The following KHDRBS2 variants were observed in gnomAD, a reference collection of about 807,000 sequenced individuals.
KHDRBS2 encodes KH domain-containing, RNA-binding, signal transduction-associated protein 2.
KHDRBS2 carries 26 observed loss-of-function variants against 44.3 expected under a neutral mutation model. The ratio of observed to expected loss-of-function variants is 0.59; its 90% CI spans 0.43 to 0.81. The LOEUF (loss-of-function observed/expected upper bound fraction) is 0.81. Ranked by LOEUF, KHDRBS2 falls within the 40% of genes least tolerant of loss-of-function variation. The pLI is 0.00. For synonymous variants in KHDRBS2, 194 were observed against 151.1 expected (o/e 1.28, Z -2.08); for missense variants, 476 against 433.1 (o/e 1.10, Z -0.88).
intron 1 of KHDRBS2, among the ~76,000 whole-genome samples, chr6:62,202,540 G>A (rs992343836): frequency 4.6e-5 from 7 of 151,898 alleles, no homozygotes; most frequent in African/African-American, 1.5e-4. Context: ...CTAGCTGACT[G>A]GGACACATCA....
At chr6:62,196,053 C>G (rs981964434) in intron 1 of KHDRBS2, among the ~76,000 whole-genome samples, 1 of 152,054 alleles carries the variant, frequency 6.6e-6, no homozygotes, top group African/African-American at 2.4e-5. Context: ...GTGAGTGGAG[C>G]CAATGACCTC....
At position 62,018,299 on chromosome 6, in the gene KHDRBS2, ATGTGTGTG is replaced by A. The variant is rs57360690; in HGVS notation, c.336+29571_336+29578del. 3.1e-3 allele frequency among the ~76,000 whole-genome samples: 459 copies of A among 146,224 alleles called. 4 individuals are homozygous for A. Among genetic ancestry groups the A allele is most frequent in the African/African-American group, 8.9e-3 (350 of 39,468 alleles). On this transcript the variant is annotated intron_variant, in intron 3 of 8. Transcript: ENST00000281156. ...GTATATTCACACACTATATATATAT[ATGTGTGTG>A]TGTGTGTGTGTGTGTGTGTGTGTGT... is the stretch of plus-strand genomic sequence containing the variant.
rs141518928 is a variant in KHDRBS2, at chr6:62,036,572, C to A, written c.336+11306G>T. Among the ~76,000 whole-genome samples the A allele has an allele frequency of 1.1e-4, 16 of 151,996 alleles. 1 individual carries two copies. The highest frequency in any genetic ancestry group is 5.9e-4 in the Admixed American group (9 of 15,216). On this transcript the variant is annotated intron_variant, in intron 3 of 8. Transcript: ENST00000281156. ...TATAAGAAAAAAAAGTAATTTGGAT[C>A]CATTTTCTATTTATTTAACTTAGGT...
At chr6:61,777,177 C>T (rs1008495057) in intron 6 of KHDRBS2, among the ~76,000 whole-genome samples, 23 of 151,946 alleles carry the variant, frequency 1.5e-4, no homozygotes, top group African/African-American at 4.4e-4. Context: ...TTAGGAGATA[C>T]ACCTAATGCT....
At chr6:62,246,771 C>T (rs761726909) in intron 1 of KHDRBS2, among the ~76,000 whole-genome samples, 2 of 151,840 alleles carry the variant, frequency 1.3e-5, no homozygotes, top group Non-Finnish European at 2.9e-5. Flanking sequence ...AGATATTACT[C>T]AGCTGTGAGT....
chr6:61,674,859 C>A, the KHDRBS2 span, among the ~76,000 whole-genome samples: 3 of 151,446 alleles, frequency 2.0e-5, no homozygotes, highest in South Asian at 2.1e-4. Flanking sequence ...ATTACATGAA[C>A]GAAAATATAG....
chr6:61,848,066 G>A (rs1009699516), intron 6 of KHDRBS2, among the ~76,000 whole-genome samples: 1 of 151,790 alleles, frequency 6.6e-6, no homozygotes, highest in Non-Finnish European at 1.5e-5. Flanking sequence ...CTGGCCAATC[G>A]TCTGTGACCA....
At chr6:62,076,170 GT>G (rs903163151) in intron 2 of KHDRBS2, among the ~76,000 whole-genome samples, 7 of 151,778 alleles carry the variant, frequency 4.6e-5, no homozygotes, top group African/African-American at 1.7e-4. Flanking sequence ...GGATTAAAGA[GT>G]TTTTTCATAG....
chr6:61,955,663 T>C (rs1356205307), intron 4 of KHDRBS2, among the ~76,000 whole-genome samples: 1 of 149,260 alleles, frequency 6.7e-6, no homozygotes, highest in Non-Finnish European at 1.5e-5. Context: ...TGCATATATG[T>C]GTATATGTAC....
chr6:61,612,775 C>T, the KHDRBS2 span, among the ~76,000 whole-genome samples: 2,286 of 150,500 alleles, frequency 0.015, 59 homozygotes, highest in African/African-American at 0.054. Context: ...CTAAATATTA[C>T]AGCTGCACAC....
At chr6:62,067,947 C>A (rs1584486825) in intron 2 of KHDRBS2, among the ~76,000 whole-genome samples, 2 of 151,552 alleles carry the variant, frequency 1.3e-5, no homozygotes, top group Non-Finnish European at 3.0e-5. Flanking sequence ...GTCTATTTAA[C>A]AGCGGACACT....
chr6:61,587,511 A>G, the KHDRBS2 span, among the ~76,000 whole-genome samples: 1 of 152,140 alleles, frequency 6.6e-6, no homozygotes, highest in African/African-American at 2.4e-5. Context: ...GTATTTCAAT[A>G]GAAAACCTAC....
chr6:61,636,071 C>T, the KHDRBS2 span, among the ~76,000 whole-genome samples: 1 of 151,960 alleles, frequency 6.6e-6, no homozygotes, highest in South Asian at 2.1e-4. Flanking sequence ...CACAATATTC[C>T]GTAGTTTCTT....
chr6:61,778,931 C>T (rs1053034153), intron 6 of KHDRBS2, among the ~76,000 whole-genome samples: 1 of 152,188 alleles, frequency 6.6e-6, no homozygotes, highest in Non-Finnish European at 1.5e-5. Context: ...ATTTACTACT[C>T]ATTGCCTGCC....
At chr6:61,614,258 A>G in the KHDRBS2 span, among the ~76,000 whole-genome samples, 1 of 152,098 alleles carries the variant, frequency 6.6e-6, no homozygotes, top group Non-Finnish European at 1.5e-5. Flanking sequence ...TATGGTTATG[A>G]TGGGTGGGAA....
At chr6:62,053,876 T>C (rs1236412194) in intron 2 of KHDRBS2, among the ~76,000 whole-genome samples, 1 of 152,008 alleles carries the variant, frequency 6.6e-6, no homozygotes, top group Non-Finnish European at 1.5e-5. Context: ...AAGGTGCTGT[T>C]ATACAAAAAA....
chr6:61,866,787 A>G (rs1218944697), intron 6 of KHDRBS2, among the ~76,000 whole-genome samples: 1 of 152,218 alleles, frequency 6.6e-6, no homozygotes, highest in Non-Finnish European at 1.5e-5. Flanking sequence ...AAAGTTCCAC[A>G]AATATTTAGA....
the KHDRBS2 span, among the ~76,000 whole-genome samples, chr6:61,632,774 C>T: frequency 6.6e-6 from 1 of 151,950 alleles, no homozygotes; most frequent in Non-Finnish European, 1.5e-5. Context: ...TTCATCGCTG[C>T]CACACGAAAA....
chr6:61,676,355 G>A (rs1765939756), downstream of KHDRBS2, among the ~76,000 whole-genome samples: 1 of 151,630 alleles, frequency 6.6e-6, no homozygotes, highest in African/African-American at 2.4e-5. Flanking sequence ...TCTCCATTCC[G>A]CTGAGTGCAG....
Sources: gnomAD v4.1 joint callset for allele counts (sites outside exome capture counted in the v4.1 genomes callset) on GRCh38, gnomAD v4.1.1 for gene constraint, MANE v1.5 for transcripts, NCBI Gene and HGNC (gene_info 2026-07-23, HGNC 2026-07-21) for gene names.